The following KIF21A variants were observed in gnomAD, a reference collection of about 807,000 sequenced individuals.
KIF21A encodes the protein kinesin family member 21A.
In KIF21A, 114 loss-of-function variants were observed where a neutral mutation model predicts 202.9. The observed-to-expected ratio is 0.56, with a 90% confidence interval of 0.48 to 0.66. KIF21A has a LOEUF of 0.66. KIF21A is among the 30% of genes least tolerant of loss of function. The pLI is 0.00. For synonymous variants in KIF21A, 667 were observed against 670.8 expected (o/e 0.99, Z 0.09); for missense variants, 1,677 against 1,994.9 (o/e 0.84, Z 3.04).
chr12:39,384,933 C>G (rs929848718), intron 1 of KIF21A, among the ~76,000 whole-genome samples: 1 of 152,154 alleles, frequency 6.6e-6, no homozygotes, highest in Non-Finnish European at 1.5e-5. Flanking sequence ...CATGGCCTAG[C>G]CATGTGACCT....
At chr12:39,297,879 T>A (rs901674272) in intron 37 of KIF21A, among the ~76,000 whole-genome samples, 25 of 149,096 alleles carry the variant, frequency 1.7e-4, no homozygotes, top group African/African-American at 5.1e-4. Flanking sequence ...TAATTATTAT[T>A]ATTATTATTG....
intron 2 of KIF21A, 28 bp from the exon 3 acceptor site, chr12:39,369,939 T>C: frequency 6.2e-7 from 1 of 1,604,014 alleles, no homozygotes; most frequent in South Asian, 1.1e-5. Flanking sequence ...GAAAGATTAG[T>C]GTTCAACCTT....
At chr12:39,295,949 C>T (rs1299573709) in intron 37 of KIF21A, among the ~76,000 whole-genome samples, 2 of 148,146 alleles carry the variant, frequency 1.4e-5, no homozygotes, top group East Asian at 2.0e-4. Flanking sequence ...CTGCCTGCCT[C>T]GGCCTCCCAA....
intron 1 of KIF21A, among the ~76,000 whole-genome samples, chr12:39,391,432 G>A (rs1951342845): frequency 6.6e-6 from 1 of 152,080 alleles, no homozygotes; most frequent in African/African-American, 2.4e-5. Flanking sequence ...TGTATACAGA[G>A]GAGGTTTAAG....
At chr12:39,435,193 G>A (rs1414654682) in intron 1 of KIF21A, among the ~76,000 whole-genome samples, 1 of 152,150 alleles carries the variant, frequency 6.6e-6, no homozygotes, top group African/African-American at 2.4e-5. Context: ...GCAGATGGAT[G>A]TGCCCAAGTA....
chr12:39,340,619 G>T (rs1048451259), intron 15 of KIF21A, among the ~76,000 whole-genome samples: 1 of 151,840 alleles, frequency 6.6e-6, no homozygotes, highest in African/African-American at 2.4e-5. Context: ...CCATAAATTT[G>T]TATAAAGTAA....
In KIF21A at chr12:39,358,366, T is replaced by C. The variant is rs772956810; in HGVS notation, c.1027A>G (p.Ile343Val). Residue 343 changes from isoleucine to valine, a missense_variant, in exon 8 of 38, where the codon ATC becomes GTC. Physicochemically the swap from Ile to Val is conservative, Grantham distance 29. Coordinates refer to ENST00000361418, the MANE Select transcript of KIF21A (RefSeq NM_001173464.2). Reference protein sequence around the residue: ...QDSLGGNSQTIMIACVSPSDR... With the variant: ...QDSLGGNSQTVMIACVSPSDR... ...GAAGGGCTGACACATGCTATCATGA[T>C]TGTTTGGCTGAAAGTTACAAATAAT... 2 of 1,614,030 alleles carry C rather than the reference T, an allele frequency of 1.2e-6. No individual in the cohort carries two copies. The highest frequency in any genetic ancestry group is 1.1e-5 in the South Asian group (1 of 91,074).
chr12:39,427,860 T>C (rs760262866), intron 1 of KIF21A, among the ~76,000 whole-genome samples: 1 of 152,162 alleles, frequency 6.6e-6, no homozygotes, highest in African/African-American at 2.4e-5. Flanking sequence ...GGTTTCACCA[T>C]GTTGGCCAGG....
chr12:39,367,581 T>C (rs764770419), intron 4 of KIF21A, among the ~76,000 whole-genome samples: 29 of 152,192 alleles, frequency 1.9e-4, no homozygotes, highest in Non-Finnish European at 2.8e-4. Flanking sequence ...TACAAAAGGA[T>C]TGTGGTCTCA....
intron 17 of KIF21A, 78 bp from the exon 18 acceptor site, chr12:39,333,358 C>T: frequency 4.7e-6 from 5 of 1,074,046 alleles, no homozygotes; most frequent in Non-Finnish European, 5.7e-6. Context: ...AATATATTTC[C>T]CCATACCCCT....
At chr12:39,294,577 C>G in intron 37 of KIF21A, 60 bp from the exon 38 acceptor site, 2 of 1,231,608 alleles carry the variant, frequency 1.6e-6, no homozygotes, top group Admixed American at 1.7e-5. Flanking sequence ...AAAGAAATAG[C>G]TCTTATAATT....
rs148851898 is a variant in KIF21A at position 39,343,134 on chromosome 12, C to T, written c.1713-1010G>A. ...TAAAAAGCCCTTTGAGAGGCTGAGG[C>T]GGGCAGATCACGAGGTCAGGCATTT... On this transcript the variant is annotated intron_variant, in intron 12 of 37. Coordinates refer to ENST00000361418, the MANE Select transcript of KIF21A (RefSeq NM_001173464.2). 3.0e-3 allele frequency among the ~76,000 whole-genome samples: 454 copies of T among 152,100 alleles called. 1 individual carries two copies. Among genetic ancestry groups the T allele is most frequent in the Non-Finnish European group, 4.3e-3 (292 of 67,974 alleles).
In KIF21A at chr12:39,308,258, C is replaced by T. The variant is rs539013439; in HGVS notation, c.4278-529G>A. 1.4e-3 allele frequency among the ~76,000 whole-genome samples: 209 copies of T among 151,618 alleles called. 3 individuals carry two copies. The highest frequency in any genetic ancestry group is 2.3e-3 in the Non-Finnish European group (157 of 67,870). On this transcript the variant is annotated intron_variant, in intron 33 of 37. Transcript: ENST00000361418. ...CAAAAATTAGCTGGGGGTGGTGGTG[C>T]GTGCCTGTAATCCCAGCTACTCGGG...
At chr12:39,333,329 T>C in intron 17 of KIF21A, 49 bp from the exon 18 acceptor site, 1 of 1,277,384 alleles carries the variant, frequency 7.8e-7, no homozygotes, top group Non-Finnish European at 1.1e-6. Context: ...AAAGATACAA[T>C]ATTTCCTATT....
At chr12:39,391,960 G>T (rs1303640464) in intron 1 of KIF21A, among the ~76,000 whole-genome samples, 1 of 151,990 alleles carries the variant, frequency 6.6e-6, no homozygotes, top group East Asian at 1.9e-4. Context: ...AGCTGGTCTT[G>T]AACTCCTGAC....
chr12:39,364,735 T>C (rs1322844893), intron 6 of KIF21A, among the ~76,000 whole-genome samples: 1 of 152,174 alleles, frequency 6.6e-6, no homozygotes, highest in Non-Finnish European at 1.5e-5. Flanking sequence ...TTGCCTTTAA[T>C]CTCTAAATTG....
chr12:39,342,392 G>A (rs906190491), intron 12 of KIF21A, among the ~76,000 whole-genome samples: 1 of 152,074 alleles, frequency 6.6e-6, no homozygotes, highest in African/African-American at 2.4e-5. Context: ...ACGAGACCTC[G>A]ACACCCCTAA....
chr12:39,294,410 A>C lies in KIF21A; in HGVS notation c.*14T>G. 177 of 1,475,916 alleles carry C rather than the reference A, an allele frequency of 1.2e-4. No homozygotes were observed. The highest frequency in any genetic ancestry group is 1.5e-4 in the Non-Finnish European group (158 of 1,054,080). The allele number at this position is 1,475,916 out of a possible 1,614,324, so 91.4% of individuals were successfully genotyped here. On this transcript the variant is annotated 3_prime_UTR_variant, in exon 38 of 38. Transcript: ENST00000361418. ...TATCACAGCATTCAGTTTACAACCTATCTTCATTCATGTTTAATTACTGGC... is the reference window on the plus strand; with the variant it reads ...TATCACAGCATTCAGTTTACAACCTCTCTTCATTCATGTTTAATTACTGGC...
At position 39,306,273 on chromosome 12, in the gene KIF21A, G is replaced by C. The variant is rs777421459; in HGVS notation, c.4442+1292C>G. 6.6e-5 allele frequency among the ~76,000 whole-genome samples: 10 copies of C among 152,272 alleles called. No individual in the cohort carries two copies. The South Asian group carries it at 2.1e-3, about 32-fold the overall frequency. On this transcript the variant is annotated intron_variant, in intron 34 of 37. Coordinates refer to ENST00000361418, the MANE Select transcript of KIF21A (RefSeq NM_001173464.2). ...GTCAAACCTATCAGCAAATTAAAAA[G>C]TGCAAAAGATTTTCAAAAGCTGGTA... is the stretch of plus-strand genomic sequence containing the variant.
Sources: allele counts gnomAD v4.1 joint callset (sites outside exome capture counted in the v4.1 genomes callset), GRCh38; gene constraint gnomAD v4.1.1; transcripts MANE v1.5; gene names NCBI Gene and HGNC (gene_info 2026-07-23, HGNC 2026-07-21).